Variants in SH3GL3 observed in about 807,000 individuals in gnomAD.
SH3GL3 encodes SH3 domain containing GRB2 like 3, endophilin A3.
A neutral mutation model predicts 47.7 loss-of-function variants in SH3GL3; 33 were observed. The observed-to-expected ratio is 0.69, with a 90% CI of 0.52 to 0.92. SH3GL3 has a LOEUF of 0.92. SH3GL3 is among the 40% of genes least tolerant of loss of function. The probability of loss-of-function intolerance (pLI) is 0.00; values close to 1 mark genes in which losing one functional copy is unlikely to be tolerated. For synonymous variants in SH3GL3, 155 were observed against 148.8 expected, an observed-to-expected ratio of 1.04 and a Z score of -0.30; for missense variants, 363 against 417.8, an observed-to-expected ratio of 0.87 and a Z score of 1.14.
At chr15:83,523,464 A>G (rs547110439) in intron 1 of SH3GL3, among the ~76,000 whole-genome samples, 3 of 152,308 alleles carry the variant, frequency 2.0e-5, no homozygotes, top group African/African-American at 7.2e-5. Flanking sequence ...GAAGCTTCCC[A>G]AGACTGACTT....
intron 6 of SH3GL3, among the ~76,000 whole-genome samples, chr15:83,581,585 C>T (rs775894532): frequency 2.0e-5 from 3 of 152,194 alleles, no homozygotes; most frequent in East Asian, 1.9e-4. Flanking sequence ...CAGAGCCAGG[C>T]CCCTACTGCC....
intron 1 of SH3GL3, among the ~76,000 whole-genome samples, chr15:83,450,790 C>CT (rs11389151): frequency 0.78 from 35,304 of 45,140 alleles, 13,242 homozygotes; most frequent in South Asian, 0.86. Context: ...TATAGATTTT[C>CT]TTTTTTTTTT....
At chr15:83,475,754 A>G (rs2041067958) in intron 1 of SH3GL3, among the ~76,000 whole-genome samples, 1 of 152,252 alleles carries the variant, frequency 6.6e-6, no homozygotes, top group Admixed American at 6.5e-5. Context: ...CTTCGCACTT[A>G]CAGCGCACAG....
At chr15:83,475,176 C>T (rs969600584) in intron 1 of SH3GL3, among the ~76,000 whole-genome samples, 3 of 151,076 alleles carry the variant, frequency 2.0e-5, no homozygotes, top group African/African-American at 4.8e-5. Context: ...TATAAAAATT[C>T]GTTTTAAAAA....
chr15:83,534,572 A>G (rs551779173), intron 1 of SH3GL3, among the ~76,000 whole-genome samples: 33 of 152,368 alleles, frequency 2.2e-4, no homozygotes, highest in African/African-American at 7.5e-4. Context: ...TGACTTCATA[A>G]AGAAGAAATT....
intron 8 of SH3GL3, among the ~76,000 whole-genome samples, chr15:83,616,443 A>G (rs1348394783): frequency 6.6e-6 from 1 of 151,836 alleles, no homozygotes; most frequent in Non-Finnish European, 1.5e-5. Flanking sequence ...TTTAGTAGAG[A>G]CAGGGTTTCA....
At chr15:83,581,944 A>G (rs1028966367) in intron 6 of SH3GL3, among the ~76,000 whole-genome samples, 3 of 152,178 alleles carry the variant, frequency 2.0e-5, no homozygotes, top group East Asian at 1.9e-4. Flanking sequence ...TGGTTCTCCA[A>G]CTTTCCAGGG....
intron 1 of SH3GL3, among the ~76,000 whole-genome samples, chr15:83,459,266 A>G (rs769075728): frequency 6.6e-6 from 1 of 152,198 alleles, no homozygotes; most frequent in African/African-American, 2.4e-5. Flanking sequence ...TGCCTCTCCC[A>G]GTCCACTGGC....
chr15:83,534,397 T>C (rs1403729144), intron 1 of SH3GL3, among the ~76,000 whole-genome samples: 3 of 152,064 alleles, frequency 2.0e-5, no homozygotes, highest in African/African-American at 4.8e-5. Flanking sequence ...TGTCTTCCCC[T>C]CTCTCTCCCT....
intron 1 of SH3GL3, among the ~76,000 whole-genome samples, chr15:83,522,948 A>G (rs1359843574): frequency 1.3e-5 from 2 of 152,342 alleles, no homozygotes; most frequent in East Asian, 3.9e-4. Flanking sequence ...TATATATGAC[A>G]AATAGATCAT....
At chr15:83,496,955 T>C (rs527910084) in intron 1 of SH3GL3, among the ~76,000 whole-genome samples, 1 of 152,226 alleles carries the variant, frequency 6.6e-6, no homozygotes, top group South Asian at 2.1e-4. Flanking sequence ...CCAGATCCCA[T>C]GCAGGGCAGC....
intron 1 of SH3GL3, among the ~76,000 whole-genome samples, chr15:83,487,371 G>A (rs2041651768): frequency 6.6e-6 from 1 of 151,674 alleles, no homozygotes. Flanking sequence ...TATAATTTGG[G>A]TACCATGTTT....
intron 2 of SH3GL3, among the ~76,000 whole-genome samples, chr15:83,562,801 C>G (rs539507950): frequency 6.6e-6 from 1 of 152,314 alleles, no homozygotes; most frequent in African/African-American, 2.4e-5. Context: ...CCTTACATTT[C>G]TTGTGACTAA....
chr15:83,526,269 G>A (rs973996722), intron 1 of SH3GL3, among the ~76,000 whole-genome samples: 2 of 152,156 alleles, frequency 1.3e-5, no homozygotes, highest in African/African-American at 4.8e-5. Flanking sequence ...ATTCCTCAGA[G>A]AGCTAAAAAT....
At chr15:83,482,177 T>C (rs924961654) in intron 1 of SH3GL3, among the ~76,000 whole-genome samples, 25 of 152,228 alleles carry the variant, frequency 1.6e-4, no homozygotes, top group Non-Finnish European at 2.5e-4. Flanking sequence ...CCTTTTGATA[T>C]TTTCCATTTT....
At chr15:83,626,765 C>T in the SH3GL3 span, among the ~76,000 whole-genome samples, 1 of 152,178 alleles carries the variant, frequency 6.6e-6, no homozygotes, top group Non-Finnish European at 1.5e-5. Flanking sequence ...GCACTTGTCT[C>T]TTTGTCCTTG....
chr15:83,524,668 C>G (rs1014127297), intron 1 of SH3GL3, among the ~76,000 whole-genome samples: 1 of 151,792 alleles, frequency 6.6e-6, no homozygotes, highest in South Asian at 2.1e-4. Flanking sequence ...CCCCTCACCC[C>G]GCAACACACC....
At chr15:83,563,049 A>T (rs750272432) in intron 2 of SH3GL3, among the ~76,000 whole-genome samples, 8 of 152,210 alleles carry the variant, frequency 5.3e-5, no homozygotes, top group Non-Finnish European at 1.2e-4. Flanking sequence ...ATTTAGCCCA[A>T]ATTAATGTAT....
chr15:83,586,834 T>C, intron 6 of SH3GL3, 149 bp from the exon 7 acceptor site: 1 of 478,360 alleles, frequency 2.1e-6, no homozygotes, highest in East Asian at 3.5e-5. Context: ...ATGATTATTA[T>C]ACAGAGCTCC....
Sources: allele counts gnomAD v4.1 joint callset (sites outside exome capture counted in the v4.1 genomes callset), GRCh38; gene constraint gnomAD v4.1.1; transcripts MANE v1.5; gene names NCBI Gene and HGNC (gene_info 2026-07-23, HGNC 2026-07-21).